The following ADAD1 variants were observed in gnomAD, a reference collection of about 807,000 sequenced individuals.
ADAD1 encodes the protein adenosine deaminase domain containing 1.
A neutral mutation model predicts 66.8 loss-of-function variants in ADAD1; 46 were observed. The ratio of observed to expected loss-of-function variants is 0.69; its 90% CI spans 0.54 to 0.88. The LOEUF (loss-of-function observed/expected upper bound fraction) is 0.88. Among genes scored for constraint, ADAD1 ranks in the 40% least tolerant of loss-of-function variants. The probability of loss-of-function intolerance (pLI) is 0.00; values close to 1 mark genes in which losing one functional copy is unlikely to be tolerated. For synonymous variants in ADAD1, 248 were observed against 229.4 expected, an observed-to-expected ratio of 1.08 and a Z score of -0.73; for missense variants, 617 against 681.8, an observed-to-expected ratio of 0.91 and a Z score of 1.06.
At chr4:122,422,040 T>C (rs183024173) in intron 12 of ADAD1, among the ~76,000 whole-genome samples, 92 of 152,174 alleles carry the variant, frequency 6.0e-4, no homozygotes, top group Non-Finnish European at 9.1e-4. Context: ...TTTGTGTATG[T>C]ATCTGTTTAA....
chr4:122,404,903 A>G (rs1796138849), intron 7 of ADAD1, among the ~76,000 whole-genome samples: 1 of 152,118 alleles, frequency 6.6e-6, no homozygotes, highest in Non-Finnish European at 1.5e-5. Flanking sequence ...TTCTGATTCC[A>G]TTCCTTCTCA....
intron 12 of ADAD1, among the ~76,000 whole-genome samples, chr4:122,423,970 C>T (rs180686961): frequency 8.5e-5 from 13 of 152,204 alleles, no homozygotes; most frequent in Admixed American, 4.6e-4. Flanking sequence ...CTGAATTGTA[C>T]ACTTTAAAGG....
chr4:122,395,904 G>A (rs1795687998), intron 6 of ADAD1, among the ~76,000 whole-genome samples: 2 of 152,104 alleles, frequency 1.3e-5, no homozygotes, highest in African/African-American at 2.4e-5. Flanking sequence ...CATTCAGTGG[G>A]GTGCTGGTCA....
intron 5 of ADAD1, among the ~76,000 whole-genome samples, chr4:122,391,418 A>G (rs1561534929): frequency 6.6e-6 from 1 of 152,136 alleles, no homozygotes; most frequent in African/African-American, 2.4e-5. Context: ...CTGTGGAGAA[A>G]CCCACTCCTC....
Position 122,381,117 on chromosome 4 carries a change from G to C in ADAD1, c.298G>C (p.Ala100Pro), listed in dbSNP as rs1794877944. The C allele has an allele frequency of 3.7e-6, 6 of 1,601,592 alleles. No individual in the cohort carries two copies. Among genetic ancestry groups the C allele is most frequent in the Non-Finnish European group, 5.1e-6 (6 of 1,177,636 alleles). Residue 100 changes from alanine to proline, a missense_variant, in exon 4 of 13, where the codon GCC becomes CCC. Coordinates refer to ENST00000296513, the MANE Select transcript of ADAD1 (RefSeq NM_139243.4). ...ACGTGGAGAGATAAATCCTGTGTCA[G>C]CCTTGCACCAGTTTGCACAAATGCA... Reference protein sequence around the residue: ...YKRGEINPVSALHQFAQMQRV... With the variant: ...YKRGEINPVSPLHQFAQMQRV...
At chr4:122,415,692 C>T in intron 11 of ADAD1, 76 bp downstream of exon 11, 1 of 1,235,640 alleles carries the variant, frequency 8.1e-7, no homozygotes. Context: ...TTTATTCTGA[C>T]TCTTTTGGAT....
rs762331849 is a variant in ADAD1 at position 122,393,633 on chromosome 4, G to T, written c.574G>T (p.Ala192Ser). Residue 192 changes from alanine to serine, a missense_variant, in exon 6 of 13, where the codon GCA (alanine) becomes TCA (serine). Coordinates refer to ENST00000296513, the MANE Select transcript of ADAD1 (RefSeq NM_139243.4). ...PAEPVVLSEL[A>S]YVSKVHYEGR... ...AGAACCTGTTGTTTTATCTGAACTAGCATATGTTTCAAAAGTACATTATGG... is the reference window on the plus strand; with the variant it reads ...AGAACCTGTTGTTTTATCTGAACTATCATATGTTTCAAAAGTACATTATGG... 2 of 1,601,556 alleles carry T rather than the reference G, an allele frequency of 1.2e-6. No individual in the cohort carries two copies. The highest frequency in any genetic ancestry group is 1.7e-6 in the Non-Finnish European group (2 of 1,175,186).
chr4:122,380,497 G>A (rs945360161), intron 3 of ADAD1: 18 of 461,912 alleles, frequency 3.9e-5, no homozygotes, highest in African/African-American at 3.1e-4. Flanking sequence ...CCTTTCTGAG[G>A]TGAGGCGCAA....
intron 8 of ADAD1, 90 bp from the exon 9 acceptor site, chr4:122,411,132 C>A: frequency 1.0e-6 from 1 of 998,540 alleles, no homozygotes; most frequent in Non-Finnish European, 1.4e-6. Context: ...ACATGCAGGA[C>A]ATTGCTTCTG....
intron 8 of ADAD1, among the ~76,000 whole-genome samples, chr4:122,408,957 A>AAACT: frequency 6.6e-6 from 1 of 152,296 alleles, no homozygotes; most frequent in Admixed American, 6.5e-5. Context: ...AGTTACTGGA[A>AAACT]AGTGTAGCTT....
intron 11 of ADAD1, among the ~76,000 whole-genome samples, chr4:122,420,403 C>T (rs535634146): frequency 1.3e-5 from 2 of 152,312 alleles, no homozygotes; most frequent in South Asian, 2.1e-4. Context: ...CTCTAATAGG[C>T]TAGTCCTAGC....
intron 11 of ADAD1, among the ~76,000 whole-genome samples, chr4:122,420,107 A>G (rs1304084275): frequency 6.6e-6 from 1 of 152,234 alleles, no homozygotes; most frequent in African/African-American, 2.4e-5. Context: ...TGGTATTTAT[A>G]TCCAAAAATC....
chr4:122,394,248 C>A (rs1561536904), intron 6 of ADAD1, among the ~76,000 whole-genome samples: 2 of 152,118 alleles, frequency 1.3e-5, no homozygotes, highest in African/African-American at 4.8e-5. Context: ...TAAATAGTAA[C>A]TAATATTATT....
rs151036566 is a variant in ADAD1 at position 122,427,245 on chromosome 4, TTG to T, written c.1618-2367_1618-2366del. Among the ~76,000 whole-genome samples the T allele has an allele frequency of 1.1e-3, 167 of 151,712 alleles. 2 individuals are homozygous for T. In the East Asian group the frequency reaches 0.012, roughly 11 times the overall value. ...CCACAATAGCACCAAACGTGTACAT[TTG>T]TGTGTGTGTGTGTTCGTGTGTAAAC... On this transcript the variant is annotated intron_variant, in intron 12 of 12. Transcript: ENST00000296513.
At chr4:122,387,776 T>C (rs1183328043) in intron 5 of ADAD1, among the ~76,000 whole-genome samples, 4 of 151,944 alleles carry the variant, frequency 2.6e-5, no homozygotes, top group Non-Finnish European at 5.9e-5. Flanking sequence ...TTGTTTTTTT[T>C]TGAGACGGAG....
At chr4:122,409,912 C>G (rs1004361507) in intron 8 of ADAD1, among the ~76,000 whole-genome samples, 2 of 152,124 alleles carry the variant, frequency 1.3e-5, no homozygotes, top group African/African-American at 4.8e-5. Context: ...GACCTCCTGA[C>G]CTTGTGATCT....
intron 9 of ADAD1, 148 bp downstream of exon 9, chr4:122,411,540 C>T: frequency 1.3e-6 from 1 of 755,556 alleles, no homozygotes; most frequent in South Asian, 2.1e-5. Flanking sequence ...CAGGAGACCC[C>T]AAATCCTTTT....
chr4:122,415,648 T>G, intron 11 of ADAD1, 32 bp downstream of exon 11: 1 of 1,561,324 alleles, frequency 6.4e-7, no homozygotes, highest in Non-Finnish European at 8.8e-7. Flanking sequence ...AAACCATATA[T>G]TACTTAAGCA....
intron 2 of ADAD1, among the ~76,000 whole-genome samples, 161 bp from the exon 3 acceptor site, chr4:122,379,898 CAAA>C: frequency 6.6e-6 from 1 of 151,778 alleles, no homozygotes; most frequent in South Asian, 2.1e-4. Context: ...TATGAAAACT[CAAA>C]AAGCAGTCGT....
Sources: allele counts gnomAD v4.1 joint callset (sites outside exome capture counted in the v4.1 genomes callset), GRCh38; gene constraint gnomAD v4.1.1; transcripts MANE v1.5; gene names NCBI Gene and HGNC (gene_info 2026-07-23, HGNC 2026-07-21).